Variants in GEMIN2 observed in about 807,000 individuals in gnomAD.
GEMIN2 encodes gem nuclear organelle associated protein 2, also known as gem-associated protein 2.
A neutral mutation model predicts 45.8 loss-of-function variants in GEMIN2; 37 were observed. The ratio of observed to expected loss-of-function variants is 0.81; its 90% CI spans 0.62 to 1.06. GEMIN2 has a LOEUF of 1.06. GEMIN2 is among the 50% of genes least tolerant of loss of function. The probability of loss-of-function intolerance (pLI) is 0.00; values close to 1 mark genes in which losing one functional copy is unlikely to be tolerated. For missense variants in GEMIN2, 335 were observed against 321.8 expected, an observed-to-expected ratio of 1.04 and a Z score of -0.31; for synonymous variants, 101 against 111.5, an observed-to-expected ratio of 0.91 and a Z score of 0.60.
chr14:39,117,664 C>G (rs998620902), intron 2 of GEMIN2, among the ~76,000 whole-genome samples: 1 of 152,094 alleles, frequency 6.6e-6, no homozygotes, highest in African/African-American at 2.4e-5. Context: ...GTATATCTCT[C>G]TTTTTGTTTC....
chr14:39,123,647 T>C (rs2040638042), intron 5 of GEMIN2, among the ~76,000 whole-genome samples: 1 of 145,678 alleles, frequency 6.9e-6, no homozygotes, highest in African/African-American at 2.5e-5. Flanking sequence ...ATTGATCTTT[T>C]GGATGATATC....
intron 6 of GEMIN2, among the ~76,000 whole-genome samples, chr14:39,125,580 C>T (rs1463623755): frequency 1.3e-5 from 2 of 150,954 alleles, no homozygotes; most frequent in South Asian, 2.2e-4. Context: ...GCTGGAATTA[C>T]AGGCATGAGC....
chr14:39,127,010 G>A (rs1005014240), intron 6 of GEMIN2, among the ~76,000 whole-genome samples: 77 of 149,854 alleles, frequency 5.1e-4, no homozygotes, highest in African/African-American at 1.7e-3. Flanking sequence ...TGATCCACCC[G>A]CCTCAGCCTC....
At chr14:39,120,457 T>C (rs1346475789) in intron 4 of GEMIN2, among the ~76,000 whole-genome samples, 1 of 152,176 alleles carries the variant, frequency 6.6e-6, no homozygotes, top group Non-Finnish European at 1.5e-5. Context: ...GATCCAATAA[T>C]TTAAGCATGT....
chr14:39,124,650 G>A (rs2052617526), intron 5 of GEMIN2, among the ~76,000 whole-genome samples: 1 of 151,942 alleles, frequency 6.6e-6, no homozygotes, highest in African/African-American at 2.4e-5. Flanking sequence ...ACATGCACCT[G>A]TGGTCCTAGC....
At chr14:39,135,744 T>C (rs2052774048) in intron 9 of GEMIN2, among the ~76,000 whole-genome samples, 1 of 152,182 alleles carries the variant, frequency 6.6e-6, no homozygotes. Flanking sequence ...GATTTTCCTT[T>C]TTATTTAATC....
At position 39,131,965 on chromosome 14, in the gene GEMIN2, G is replaced by GGCTTTAT; in HGVS notation, c.616_622dup (p.Leu208CysfsTer7). 1 of 1,536,934 alleles carries GGCTTTAT rather than the reference G, an allele frequency of 6.5e-7. No individual in the cohort carries two copies. Among genetic ancestry groups the GGCTTTAT allele is most frequent in the Non-Finnish European group, 9.0e-7 (1 of 1,116,158 alleles). Reference sequence around the variant, plus strand: ...TTTTGAATTTTTTTTTAGGGAAGATGGCTTTATGCTTTATTGGCTTGTCTT... The same window carrying GGCTTTAT: ...TTTTGAATTTTTTTTTAGGGAAGATGGCTTTATGCTTTATGCTTTATTGGCTTGTCTT... On this transcript the variant is annotated frameshift_variant, in exon 8 of 10. Transcript: ENST00000308317. LOFTEE classifies it high-confidence loss of function.
At chr14:39,120,817 G>A (rs1342611129) in intron 4 of GEMIN2, among the ~76,000 whole-genome samples, 17 of 151,994 alleles carry the variant, frequency 1.1e-4, no homozygotes, top group South Asian at 4.1e-4. Flanking sequence ...TAGTAGAGAC[G>A]GGGTTTCACC....
At chr14:39,133,010 G>A (rs373382314) in intron 8 of GEMIN2, among the ~76,000 whole-genome samples, 12 of 116,002 alleles carry the variant, frequency 1.0e-4, no homozygotes, top group African/African-American at 3.1e-4. Flanking sequence ...GTATATATAT[G>A]TGTGTGTGTG....
At chr14:39,127,239 G>A (rs930941643) in intron 6 of GEMIN2, among the ~76,000 whole-genome samples, 5 of 145,924 alleles carry the variant, frequency 3.4e-5, no homozygotes, top group Admixed American at 6.9e-5. Context: ...TACAGACCCC[G>A]CCACCATGCC....
At chr14:39,135,455 T>C (rs2052770021) in intron 9 of GEMIN2, among the ~76,000 whole-genome samples, 1 of 151,966 alleles carries the variant, frequency 6.6e-6, no homozygotes, top group South Asian at 2.1e-4. Context: ...GCACGGTGGT[T>C]CACGCCTGTA....
Position 39,114,894 on chromosome 14 carries a change from A to G in GEMIN2, c.203A>G (p.Lys68Arg). The change falls in exon 2 of 10, where the codon AAG (lysine) becomes AGG (arginine). Residue 68 changes from lysine (K) to arginine (R), a missense_variant. Physicochemically the swap from Lys to Arg is conservative, Grantham distance 26. Transcript: ENST00000308317. ...AQIDPKKLKRKQSVNISLSGC... is the reference protein window; with the variant it reads ...AQIDPKKLKRRQSVNISLSGC... ...ATTGACCCAAAGAAGTTGAAAAGGAAGCAAAGTGTGAATATTTCTGTGAGT... is the reference window on the plus strand; with the variant it reads ...ATTGACCCAAAGAAGTTGAAAAGGAGGCAAAGTGTGAATATTTCTGTGAGT... 6.5e-7 allele frequency: 1 copy of G among 1,541,352 alleles called. No individual in the cohort carries two copies. Among genetic ancestry groups the G allele is most frequent in the Non-Finnish European group, 9.0e-7 (1 of 1,113,504 alleles).
intron 2 of GEMIN2, among the ~76,000 whole-genome samples, chr14:39,117,577 T>A (rs989262670): frequency 1.3e-5 from 2 of 152,216 alleles, no homozygotes; most frequent in Admixed American, 1.3e-4. Context: ...TTGTTAACTG[T>A]AGTCACTCTA....
intron 2 of GEMIN2, among the ~76,000 whole-genome samples, chr14:39,117,008 C>T (rs947267174): frequency 6.6e-6 from 1 of 152,164 alleles, no homozygotes; most frequent in African/African-American, 2.4e-5. Context: ...CTTAGTGGCT[C>T]ACACCTGTAA....
chr14:39,126,752 TTTTTTGTTTTG>T (rs1054698590), intron 6 of GEMIN2, among the ~76,000 whole-genome samples: 2 of 143,944 alleles, frequency 1.4e-5, no homozygotes, highest in Admixed American at 1.4e-4. Flanking sequence ...AACTGATGGT[TTTTTTGTTTTG>T]TTTTGTTTTG....
chr14:39,122,150 A>AT lies in GEMIN2; in HGVS notation c.373-279dup, dbSNP rs748661112. The AT allele has an allele frequency of 2.1e-4, 64 of 306,254 alleles. No individual in the cohort carries two copies. The Middle Eastern group carries it at 3.8e-3, about 18-fold the overall frequency. 19.0% of individuals were successfully genotyped at this position (306,254 alleles called of 1,614,324 possible). On this transcript the variant is annotated intron_variant, in intron 4 of 9. Transcript: ENST00000308317. ...TCTTTGTGAATCCAAATTTCCTCTTATAAGGACACTAGTAAGATTGGATTA... is the reference window on the plus strand; with the variant it reads ...TCTTTGTGAATCCAAATTTCCTCTTATTAAGGACACTAGTAAGATTGGATTA...
At position 39,118,616 on chromosome 14, in the gene GEMIN2, G is replaced by T. The variant is rs753212010; in HGVS notation, c.372+17G>T. On this transcript the variant is annotated intron_variant, in intron 4 of 9. Transcript: ENST00000308317. Reference sequence around the variant, plus strand: ...GTGACAATGGTATGTAAGTTTCTCAGTTTTAAGATGTACAATGTATACCTG... The same window carrying T: ...GTGACAATGGTATGTAAGTTTCTCATTTTTAAGATGTACAATGTATACCTG... The T allele has an allele frequency of 8.6e-6, 10 of 1,163,720 alleles. No individual in the cohort carries two copies. The Admixed American group carries it at 1.7e-4, about 20-fold the overall frequency. The allele number at this position is 1,163,720 out of a possible 1,614,324, so 72.1% of individuals were successfully genotyped here.
chr14:39,124,888 C>A (rs1264255498), intron 5 of GEMIN2, 104 bp from the exon 6 acceptor site: 4 of 640,588 alleles, frequency 6.2e-6, no homozygotes, highest in Non-Finnish European at 1.1e-5. Flanking sequence ...TTTATTTGTT[C>A]TTTGTTTCTA....
chr14:39,119,785 G>T (rs137969013), intron 4 of GEMIN2, among the ~76,000 whole-genome samples: 1 of 152,234 alleles, frequency 6.6e-6, no homozygotes, highest in Non-Finnish European at 1.5e-5. Context: ...CAGGAAAAGC[G>T]TGAAGGGAAG....
Sources: allele counts gnomAD v4.1 joint callset (sites outside exome capture counted in the v4.1 genomes callset), GRCh38; gene constraint gnomAD v4.1.1; transcripts MANE v1.5; gene names NCBI Gene and HGNC (gene_info 2026-07-23, HGNC 2026-07-21).